Variants in RBM27 observed in about 807,000 individuals in gnomAD.
The protein encoded by RBM27 is RNA binding motif protein 27.
In RBM27, 22 loss-of-function variants were observed where a neutral mutation model predicts 135.3. The observed-to-expected ratio is 0.16, with a 90% CI of 0.12 to 0.23. The LOEUF (loss-of-function observed/expected upper bound fraction) is 0.23. Ranked by LOEUF, RBM27 falls within the 10% of genes least tolerant of loss-of-function variation. The pLI is 1.00. For synonymous variants in RBM27, 481 were observed against 442.4 expected, an observed-to-expected ratio of 1.09 and a Z score of -1.10; for missense variants, 1,009 against 1,281.0, an observed-to-expected ratio of 0.79 and a Z score of 3.24.
At chr5:146,273,237 T>G (rs533142590) in intron 19 of RBM27, among the ~76,000 whole-genome samples, 5 of 152,290 alleles carry the variant, frequency 3.3e-5, no homozygotes, top group Admixed American at 2.6e-4. Context: ...ACATGTTCTA[T>G]CCTGTGGTCA....
chr5:146,228,186 T>G (rs1422591914), intron 3 of RBM27, among the ~76,000 whole-genome samples: 3 of 152,188 alleles, frequency 2.0e-5, no homozygotes, highest in Non-Finnish European at 2.9e-5. Context: ...TGAATTGACT[T>G]TATTTTTTCA....
intron 7 of RBM27, among the ~76,000 whole-genome samples, chr5:146,236,169 C>G (rs1037062810): frequency 6.6e-6 from 1 of 152,186 alleles, no homozygotes; most frequent in Non-Finnish European, 1.5e-5. Context: ...TTTCTCCCGA[C>G]ATTTTGCTAT....
Position 146,233,547 on chromosome 5 carries a change from C to T in RBM27, c.948C>T (p.Phe316=), listed in dbSNP as rs1009625198. 8 of 1,613,098 alleles carry T rather than the reference C, an allele frequency of 5.0e-6. No homozygotes were observed. The highest frequency in any genetic ancestry group is 6.8e-6 in the Non-Finnish European group (8 of 1,179,630). The change falls in exon 7 of 21, where the codon TTC becomes TTT. Residue 316 remains phenylalanine, a synonymous_variant. Coordinates refer to ENST00000265271, the MANE Select transcript of RBM27 (RefSeq NM_018989.2). The part of the protein sequence containing the change: ...DEVALPSMIP[F]PPPPPGLPPP... Reference sequence around the variant, plus strand: ...TTGCTCTGCCAAGTATGATTCCTTTCCCACCCCCTCCTCCTGGGCTTCCTC... The same window carrying T: ...TTGCTCTGCCAAGTATGATTCCTTTTCCACCCCCTCCTCCTGGGCTTCCTC...
At chr5:146,245,725 A>G (rs1757597657) in intron 8 of RBM27, among the ~76,000 whole-genome samples, 1 of 152,146 alleles carries the variant, frequency 6.6e-6, no homozygotes, top group African/African-American at 2.4e-5. Flanking sequence ...GTGGCACTAA[A>G]TTATCATAGG....
intron 8 of RBM27, among the ~76,000 whole-genome samples, chr5:146,241,402 T>C (rs1298858257): frequency 6.6e-6 from 1 of 152,248 alleles, no homozygotes; most frequent in African/African-American, 2.4e-5. Context: ...TCTCATGTTT[T>C]TTGAAGTCCA....
At chr5:146,243,440 A>G (rs1033843917) in intron 8 of RBM27, among the ~76,000 whole-genome samples, 1 of 152,202 alleles carries the variant, frequency 6.6e-6, no homozygotes, top group African/African-American at 2.4e-5. Context: ...TATGATGCTC[A>G]AAGGAATTAC....
At chr5:146,210,334 T>C (rs1025191662) in intron 1 of RBM27, among the ~76,000 whole-genome samples, 14 of 152,178 alleles carry the variant, frequency 9.2e-5, no homozygotes, top group African/African-American at 3.4e-4. Context: ...GGTCCAAATA[T>C]CCAAATGGTA....
chr5:146,232,348 C>T (rs568599103), intron 6 of RBM27, among the ~76,000 whole-genome samples: 18 of 152,232 alleles, frequency 1.2e-4, no homozygotes, highest in Non-Finnish European at 5.9e-5. Flanking sequence ...TTGCCAAGGC[C>T]AACGTAATGT....
chr5:146,280,368 T>A (rs1306281869), intron 19 of RBM27, among the ~76,000 whole-genome samples: 1 of 152,336 alleles, frequency 6.6e-6, no homozygotes, highest in African/African-American at 2.4e-5. Context: ...TTCCTTAAAA[T>A]TTTTAAAGGT....
At chr5:146,214,407 A>G (rs1207057140) in intron 1 of RBM27, among the ~76,000 whole-genome samples, 1 of 152,214 alleles carries the variant, frequency 6.6e-6, no homozygotes, top group African/African-American at 2.4e-5. Flanking sequence ...ACTCTTCCTG[A>G]GTATGAGAAG....
intron 9 of RBM27, 112 bp from the exon 10 acceptor site, chr5:146,254,831 G>T: frequency 1.0e-6 from 1 of 959,168 alleles, no homozygotes; most frequent in Non-Finnish European, 1.5e-6. Context: ...GTAGGTTGAT[G>T]TATTTGTTGG....
At chr5:146,229,954 C>T in intron 5 of RBM27, 44 bp downstream of exon 5, 1 of 1,601,542 alleles carries the variant, frequency 6.2e-7, no homozygotes, top group South Asian at 1.1e-5. Context: ...AGTTATTTAT[C>T]TGTCTCTATC....
At chr5:146,219,416 T>G (rs1427475858) in intron 2 of RBM27, among the ~76,000 whole-genome samples, 2 of 152,184 alleles carry the variant, frequency 1.3e-5, no homozygotes, top group Admixed American at 1.3e-4. Flanking sequence ...ATGAAGATGC[T>G]TATTCTTGGT....
In RBM27 at chr5:146,286,260, C is replaced by G; in HGVS notation, c.*230C>G. On this transcript the variant is annotated 3_prime_UTR_variant, in exon 21 of 21. Coordinates refer to ENST00000265271, the MANE Select transcript of RBM27 (RefSeq NM_018989.2). ...CAGTTGTGAAGATCCACAGCAATGACATGGATAATCTCTAGAGCCTTATTT... is the reference window on the plus strand; with the variant it reads ...CAGTTGTGAAGATCCACAGCAATGAGATGGATAATCTCTAGAGCCTTATTT... 2.8e-6 allele frequency: 1 copy of G among 361,158 alleles called. No individual in the cohort carries two copies. Among genetic ancestry groups the G allele is most frequent in the Non-Finnish European group, 4.9e-6 (1 of 203,468 alleles). The allele number at this position is 361,158 out of a possible 1,614,324, so 22.4% of individuals were successfully genotyped here. A position where few individuals can be genotyped will look rare whatever the true frequency, so the allele number is the denominator to read the frequency against.
At chr5:146,211,534 T>C (rs760885031) in intron 1 of RBM27, among the ~76,000 whole-genome samples, 4 of 130,914 alleles carry the variant, frequency 3.1e-5, no homozygotes, top group Non-Finnish European at 4.6e-5. Context: ...GAGGCTGGAG[T>C]GCAATGGCAT....
rs779109708 is a variant in RBM27, at chr5:146,229,817, AGGAGTAAGAGTC to A, written c.510_521del (p.Ser171_Arg174del). 5 of 1,613,940 alleles carry A rather than the reference AGGAGTAAGAGTC, an allele frequency of 3.1e-6. No individual in the cohort carries two copies. Among genetic ancestry groups the A allele is most frequent in the South Asian group, 1.1e-5 (1 of 91,076 alleles). On this transcript the variant is annotated inframe_deletion, in exon 5 of 21. Coordinates refer to ENST00000265271, the MANE Select transcript of RBM27 (RefSeq NM_018989.2). ...TGAGAAGTATGACTGGAGAAGAGGC[AGGAGTAAGAGTC>A]GGAGTAAGAGTCGAGGCCTGAGTCG...
chr5:146,209,080 C>T (rs1755828846), intron 1 of RBM27, among the ~76,000 whole-genome samples: 1 of 152,088 alleles, frequency 6.6e-6, no homozygotes, highest in Admixed American at 6.6e-5. Context: ...TTCTATTAAA[C>T]AGAACTAAAT....
chr5:146,249,198 G>T lies in RBM27; in HGVS notation c.1280-2513G>T, dbSNP rs187334886. 2.0e-5 allele frequency among the ~76,000 whole-genome samples: 3 copies of T among 151,906 alleles called. No homozygotes were observed. In the East Asian group the frequency reaches 5.9e-4, roughly 30 times the overall value. On this transcript the variant is annotated intron_variant, in intron 8 of 20. Coordinates refer to ENST00000265271, the MANE Select transcript of RBM27 (RefSeq NM_018989.2). ...GAGTCTCGGTATGTTACTCAGGCTG[G>T]TCTCAAACTCCTGAGCTCAAGTAAT...
intron 4 of RBM27, 56 bp downstream of exon 4, chr5:146,229,093 G>C: frequency 7.2e-7 from 1 of 1,385,280 alleles, no homozygotes; most frequent in South Asian, 1.2e-5. Flanking sequence ...TAGTTGCCTT[G>C]CAAGGACATT....
Sources: gnomAD v4.1 joint callset for allele counts (sites outside exome capture counted in the v4.1 genomes callset) on GRCh38, gnomAD v4.1.1 for gene constraint, MANE v1.5 for transcripts, NCBI Gene and HGNC (gene_info 2026-07-23, HGNC 2026-07-21) for gene names.